The following SPECC1 variants were observed in gnomAD, a reference collection of about 807,000 sequenced individuals.
SPECC1 encodes sperm antigen with calponin homology and coiled-coil domains 1.
Under a neutral mutation model 104.1 loss-of-function variants are expected in SPECC1, and 62 were observed. The ratio of observed to expected loss-of-function variants is 0.60; its 90% CI spans 0.49 to 0.74. The LOEUF (loss-of-function observed/expected upper bound fraction) is 0.74, where lower values mean the gene tolerates loss of function less well. Ranked by LOEUF, SPECC1 falls within the 30% of genes least tolerant of loss-of-function variation. The pLI is 0.00. For synonymous variants in SPECC1, 513 were observed against 501.6 expected (o/e 1.02, Z -0.30); for missense variants, 1,306 against 1,310.5 (o/e 1.00, Z 0.05).
At position 20,087,481 on chromosome 17, in the gene SPECC1, T is replaced by A. The variant is rs936465634; in HGVS notation, c.-21-9150T>A. On this transcript the variant is annotated intron_variant, in intron 1 of 14. Transcript: ENST00000395527. ...TTTATAAGTATTATGGGAGAAGGAT[T>A]GTCATTGCCTTCCAGTTCTCTTTTG... Among the ~76,000 whole-genome samples, 9 of 152,184 alleles carry A rather than the reference T, an allele frequency of 5.9e-5. 1 individual carries two copies. Among genetic ancestry groups the A allele is most frequent in the Admixed American group, 5.9e-4 (9 of 15,282 alleles).
intron 3 of SPECC1, among the ~76,000 whole-genome samples, chr17:20,161,074 G>A (rs1316903635): frequency 5.3e-5 from 8 of 152,244 alleles, no homozygotes; most frequent in South Asian, 2.1e-4. Context: ...AGTCGAGTGC[G>A]GTGGTGGGCA....
At chr17:20,023,021 A>T (rs2152435070) in intron 1 of SPECC1, among the ~76,000 whole-genome samples, 1 of 152,328 alleles carries the variant, frequency 6.6e-6, no homozygotes, top group South Asian at 2.1e-4. Context: ...TTGCCAAAAA[A>T]AACCAAACAA....
chr17:20,045,960 T>G (rs1028270821), intron 1 of SPECC1, among the ~76,000 whole-genome samples: 1 of 152,078 alleles, frequency 6.6e-6, no homozygotes, highest in Non-Finnish European at 1.5e-5. Context: ...AAGATATGCT[T>G]ATCTTTCTCA....
At chr17:20,237,307 T>C in intron 7 of SPECC1, 16 of 1,062,030 alleles carry the variant, frequency 1.5e-5, no homozygotes, top group Non-Finnish European at 1.8e-5. Context: ...TTGTTGTTGT[T>C]TTGTTTTGTT....
chr17:20,103,583 A>C (rs2048044002), intron 2 of SPECC1, among the ~76,000 whole-genome samples: 1 of 152,162 alleles, frequency 6.6e-6, no homozygotes, highest in Non-Finnish European at 1.5e-5. Context: ...AGCCCGACAG[A>C]AGCAGCCCTG....
chr17:20,133,506 C>T (rs1597788451), intron 3 of SPECC1, among the ~76,000 whole-genome samples: 1 of 151,920 alleles, frequency 6.6e-6, no homozygotes. Flanking sequence ...TCAGGCTTTG[C>T]TTTCTTAAGA....
At chr17:20,212,987 A>C (rs543331291) in intron 4 of SPECC1, among the ~76,000 whole-genome samples, 1 of 152,202 alleles carries the variant, frequency 6.6e-6, no homozygotes, top group East Asian at 1.9e-4. Context: ...TCTGTTGTCT[A>C]GTATTTTTTC....
intron 14 of SPECC1, among the ~76,000 whole-genome samples, chr17:20,308,961 C>A (rs1333195593): frequency 6.6e-6 from 1 of 152,046 alleles, no homozygotes; most frequent in Non-Finnish European, 1.5e-5. Context: ...ATATCTTTTT[C>A]TTAATTTTCA....
In SPECC1 at chr17:20,306,070, C is replaced by T; in HGVS notation, c.3105C>T (p.Ile1035=). ...LAFEAAESVG[I]KPSLELSEML... Reference sequence around the variant, plus strand: ...TTGAAGCGGCTGAAAGTGTAGGCATCAAACCCAGCCTGGTACGTATCCTAT... The same window carrying T: ...TTGAAGCGGCTGAAAGTGTAGGCATTAAACCCAGCCTGGTACGTATCCTAT... Residue 1035 remains isoleucine (I), a synonymous_variant, in exon 14 of 15, where the codon ATC becomes ATT. Transcript: ENST00000395527. 6.2e-7 allele frequency: 1 copy of T among 1,613,896 alleles called. No homozygotes were observed.
chr17:20,163,741 T>TA, intron 3 of SPECC1, among the ~76,000 whole-genome samples: 1 of 152,220 alleles, frequency 6.6e-6, no homozygotes, highest in East Asian at 1.9e-4. Context: ...TTGTGTTTTT[T>TA]ATAGAGACGG....
rs150707699 is a variant in SPECC1, at chr17:20,182,755, G to A, written c.284-21578G>A. Among the ~76,000 whole-genome samples, 115 of 152,308 alleles carry A rather than the reference G, an allele frequency of 7.6e-4. 2 individuals carry two copies. In the East Asian group the frequency reaches 0.02, roughly 27 times the overall value. On this transcript the variant is annotated intron_variant, in intron 3 of 14. Transcript: ENST00000395527. The stretch of plus-strand genomic sequence containing the variant: ...AGTCTCAAGTAGCTTAGAGGATAGA[G>A]GAAAGGGGTGAAGAAAGAGAGAACC...
At chr17:20,248,362 C>T (rs866690366) in intron 9 of SPECC1, among the ~76,000 whole-genome samples, 2 of 152,058 alleles carry the variant, frequency 1.3e-5, no homozygotes, top group South Asian at 4.1e-4. Context: ...AATAAGTCGC[C>T]CTACAAGGAG....
chr17:20,012,460 C>A (rs930080263), intron 1 of SPECC1, among the ~76,000 whole-genome samples: 3 of 151,588 alleles, frequency 2.0e-5, no homozygotes, highest in Admixed American at 6.6e-5. Context: ...TAAAGGTTCA[C>A]AATTCTTGTA....
intron 3 of SPECC1, among the ~76,000 whole-genome samples, chr17:20,188,405 G>T (rs891750803): frequency 6.6e-6 from 1 of 151,772 alleles, no homozygotes; most frequent in Non-Finnish European, 1.5e-5. Flanking sequence ...ATACAGGTGC[G>T]CACCACCACG....
intron 1 of SPECC1, among the ~76,000 whole-genome samples, chr17:20,033,807 G>A (rs529325784): frequency 1.1e-4 from 16 of 152,246 alleles, no homozygotes; most frequent in African/African-American, 3.9e-4. Flanking sequence ...ACTCGGTGGG[G>A]CCAAACAAAC....
intron 12 of SPECC1, among the ~76,000 whole-genome samples, chr17:20,262,357 A>G (rs779646349): frequency 2.0e-5 from 3 of 152,238 alleles, no homozygotes; most frequent in African/African-American, 7.2e-5. Context: ...TATGCATACA[A>G]TCTAGTGGAT....
At chr17:20,198,060 C>T (rs1009400600) in intron 3 of SPECC1, among the ~76,000 whole-genome samples, 2 of 152,198 alleles carry the variant, frequency 1.3e-5, no homozygotes, top group Admixed American at 6.5e-5. Flanking sequence ...CACTAGTGAT[C>T]TGGCTTGCAG....
chr17:20,109,667 G>C (rs2048385463), intron 2 of SPECC1, among the ~76,000 whole-genome samples: 2 of 152,098 alleles, frequency 1.3e-5, no homozygotes, highest in South Asian at 4.1e-4. Context: ...AGAATGCTTG[G>C]TGGTGAGGCC....
intron 12 of SPECC1, among the ~76,000 whole-genome samples, chr17:20,281,371 A>G (rs1048255654): frequency 6.6e-6 from 1 of 152,144 alleles, no homozygotes; most frequent in Non-Finnish European, 1.5e-5. Flanking sequence ...CCTTTCCTGA[A>G]GCCCCAGAGT....
Sources: allele counts gnomAD v4.1 joint callset (sites outside exome capture counted in the v4.1 genomes callset), GRCh38; gene constraint gnomAD v4.1.1; transcripts MANE v1.5; gene names NCBI Gene and HGNC (gene_info 2026-07-23, HGNC 2026-07-21).